Variants in NOL4L observed in about 807,000 individuals in gnomAD.
NOL4L encodes the protein nucleolar protein 4 like.
Under a neutral mutation model 64.5 loss-of-function variants are expected in NOL4L, and 7 were observed. The observed-to-expected ratio is 0.11, with a 90% confidence interval of 0.06 to 0.20. The LOEUF (loss-of-function observed/expected upper bound fraction) is 0.20. Among genes scored for constraint, NOL4L ranks in the 10% least tolerant of loss-of-function variants. The probability of loss-of-function intolerance (pLI) is 1.00; values close to 1 mark genes in which losing one functional copy is unlikely to be tolerated. For synonymous variants in NOL4L, 413 were observed against 401.0 expected (o/e 1.03, Z -0.36); for missense variants, 680 against 967.1 (o/e 0.70, Z 3.94).
At chr20:32,570,786 G>A (rs1049990292) in intron 1 of NOL4L, among the ~76,000 whole-genome samples, 1 of 152,162 alleles carries the variant, frequency 6.6e-6, no homozygotes, top group Non-Finnish European at 1.5e-5. Context: ...AGCAGGGCAT[G>A]CTTAGCTATA....
rs1167969757 is a variant in NOL4L, at chr20:32,476,198, GACAC to G, written c.700-1460_700-1457del. 6.9e-3 allele frequency among the ~76,000 whole-genome samples: 978 copies of G among 141,076 alleles called. 4 individuals carry two copies. The highest frequency in any genetic ancestry group is 0.019 in the African/African-American group (728 of 37,608). 92.6% of individuals were successfully genotyped at this position (141,076 alleles called of 152,430 possible). ...GAAAACTCGCTCACACACCCGGAGG[GACAC>G]ACACACACACACACACACACACACA... On this transcript the variant is annotated intron_variant, in intron 4 of 10. Coordinates refer to ENST00000621426, the MANE Select transcript of NOL4L (RefSeq NM_001256798.2).
intron 1 of NOL4L, among the ~76,000 whole-genome samples, chr20:32,531,762 A>C (rs1415553282): frequency 6.6e-6 from 1 of 152,212 alleles, no homozygotes; most frequent in Admixed American, 6.5e-5. Context: ...CAGCACATAC[A>C]GACTTGGTTA....
intron 4 of NOL4L, among the ~76,000 whole-genome samples, chr20:32,481,498 C>T (rs868731880): frequency 6.6e-6 from 1 of 152,104 alleles, no homozygotes; most frequent in South Asian, 2.1e-4. Flanking sequence ...GGGTAGGGGC[C>T]GCAGGAAAAG....
intron 4 of NOL4L, among the ~76,000 whole-genome samples, chr20:32,508,075 G>T (rs1276043926): frequency 1.3e-5 from 2 of 152,126 alleles, no homozygotes; most frequent in Non-Finnish European, 2.9e-5. Flanking sequence ...CTTTAGAATT[G>T]GATTTATTTT....
intron 1 of NOL4L, among the ~76,000 whole-genome samples, chr20:32,564,739 G>A (rs548509655): frequency 6.6e-6 from 1 of 152,356 alleles, no homozygotes; most frequent in South Asian, 2.1e-4. Context: ...GGCCCTTCAA[G>A]GTGCTGCACA....
Position 32,456,259 on chromosome 20 carries a change from C to G in NOL4L, c.978G>C (p.Thr326=). ...NGAVAPMDFT[T]AAEDQPINLC... ...GGTTGATGGGCTGATCCTCGGCGGC[C>G]GTGGTGAAGTCCATGGGGGCCACGG... The change falls in exon 6 of 11, where the codon ACG becomes ACC. Residue 326 remains threonine (T), a synonymous_variant. Transcript: ENST00000621426. The G allele has an allele frequency of 1.2e-6, 2 of 1,603,220 alleles. No individual in the cohort carries two copies. Among genetic ancestry groups the G allele is most frequent in the South Asian group, 1.1e-5 (1 of 89,422 alleles).
chr20:32,497,403 G>A (rs1489417949), intron 4 of NOL4L, among the ~76,000 whole-genome samples: 1 of 152,186 alleles, frequency 6.6e-6, no homozygotes, highest in African/African-American at 2.4e-5. Context: ...CTGCCAGGGG[G>A]CTGAGCTGCC....
intron 6 of NOL4L, among the ~76,000 whole-genome samples, chr20:32,454,921 A>C (rs2013329208): frequency 6.6e-6 from 1 of 152,192 alleles, no homozygotes; most frequent in African/African-American, 2.4e-5. Flanking sequence ...GGCCCCCGCC[A>C]GGCCTCTCTC....
At chr20:32,489,883 T>C (rs2016384951) in intron 4 of NOL4L, among the ~76,000 whole-genome samples, 1 of 151,772 alleles carries the variant, frequency 6.6e-6, no homozygotes, top group South Asian at 2.1e-4. Flanking sequence ...AATCCCAGCA[T>C]TTTGCGAAGC....
intron 4 of NOL4L, among the ~76,000 whole-genome samples, chr20:32,498,568 G>A (rs1051726143): frequency 7.2e-5 from 11 of 151,812 alleles, no homozygotes; most frequent in African/African-American, 2.7e-4. Context: ...TTCAAGACCA[G>A]CCTGGGCAAC....
intron 1 of NOL4L, among the ~76,000 whole-genome samples, chr20:32,569,306 G>A (rs1979622567): frequency 6.6e-6 from 1 of 152,218 alleles, no homozygotes; most frequent in South Asian, 2.1e-4. Flanking sequence ...GACCAGAGCT[G>A]GGCCTTGCAG....
intron 1 of NOL4L, among the ~76,000 whole-genome samples, chr20:32,571,323 G>A (rs1979733304): frequency 6.6e-6 from 1 of 152,208 alleles, no homozygotes; most frequent in African/African-American, 2.4e-5. Flanking sequence ...AAGTAGCTGG[G>A]ATTATAGGCG....
intron 4 of NOL4L, among the ~76,000 whole-genome samples, chr20:32,480,757 G>T (rs752801055): frequency 6.6e-6 from 1 of 152,166 alleles, no homozygotes; most frequent in Non-Finnish European, 1.5e-5. Flanking sequence ...AAAGCAACAG[G>T]GGTTCAAATC....
chr20:32,503,690 C>T (rs1440467394), intron 4 of NOL4L, among the ~76,000 whole-genome samples: 1 of 152,168 alleles, frequency 6.6e-6, no homozygotes, highest in Non-Finnish European at 1.5e-5. Context: ...GTGGAGACGG[C>T]AAAGATATGC....
intron 1 of NOL4L, among the ~76,000 whole-genome samples, chr20:32,557,329 A>G (rs542442208): frequency 6.6e-6 from 1 of 152,324 alleles, no homozygotes; most frequent in African/African-American, 2.4e-5. Context: ...TGGTGCTGCA[A>G]GTGCTCATTG....
intron 2 of NOL4L, among the ~76,000 whole-genome samples, chr20:32,526,528 A>G (rs1426124616): frequency 2.0e-5 from 3 of 150,982 alleles, no homozygotes; most frequent in East Asian, 3.9e-4. Context: ...AAGATGGGCC[A>G]TAAGGGGAAA....
chr20:32,543,822 C>T (rs1600861117), intron 1 of NOL4L, among the ~76,000 whole-genome samples: 1 of 151,998 alleles, frequency 6.6e-6, no homozygotes, highest in East Asian at 1.9e-4. Context: ...ATACCAGGGT[C>T]AGGCACTGTG....
intron 4 of NOL4L, among the ~76,000 whole-genome samples, chr20:32,476,582 G>T (rs1312303287): frequency 6.6e-6 from 1 of 152,228 alleles, no homozygotes; most frequent in Admixed American, 6.5e-5. Context: ...GAGTATTCTA[G>T]TAACAGTTGA....
intron 4 of NOL4L, among the ~76,000 whole-genome samples, chr20:32,478,919 A>T (rs1300156736): frequency 2.6e-5 from 4 of 152,232 alleles, no homozygotes; most frequent in African/African-American, 9.6e-5. Context: ...AATCAAGTCT[A>T]TTAAGCCTAA....
Sources: gnomAD v4.1 joint callset for allele counts (sites outside exome capture counted in the v4.1 genomes callset) on GRCh38, gnomAD v4.1.1 for gene constraint, MANE v1.5 for transcripts, NCBI Gene and HGNC (gene_info 2026-07-23, HGNC 2026-07-21) for gene names.